NEIL3: variants seen among roughly 807,000 people sequenced by gnomAD.
NEIL3 encodes endonuclease 8-like 3.
Under a neutral mutation model 57.5 loss-of-function variants are expected in NEIL3, and 48 were observed. The ratio of observed to expected loss-of-function variants is 0.83; its 90% CI spans 0.66 to 1.06. The LOEUF is 1.06. Ranked by LOEUF, NEIL3 falls within the 50% of genes least tolerant of loss-of-function variation. NEIL3 has a pLI of 0.00. For synonymous variants in NEIL3, 261 were observed against 253.2 expected (o/e 1.03, Z -0.29); for missense variants, 717 against 739.1 (o/e 0.97, Z 0.35).
At chr4:177,370,258 A>T in the NEIL3 span, among the ~76,000 whole-genome samples, 1 of 152,190 alleles carries the variant, frequency 6.6e-6, no homozygotes, top group South Asian at 2.1e-4. Flanking sequence ...TATCCTATAG[A>T]TAGAAATCAG....
intron 4 of NEIL3, among the ~76,000 whole-genome samples, chr4:177,339,569 AGAG>A (rs1219393584): frequency 6.6e-6 from 1 of 152,214 alleles, no homozygotes. Context: ...TTGAGGAGGA[AGAG>A]GAGGGGTTGG....
chr4:177,335,843 G>A, intron 3 of NEIL3, 21 bp downstream of exon 3: 2 of 1,519,672 alleles, frequency 1.3e-6, no homozygotes, highest in Non-Finnish European at 8.8e-7. Flanking sequence ...TTAAATAAAA[G>A]TACTTACGCT....
chr4:177,314,961 C>T (rs200197870), intron 1 of NEIL3, among the ~76,000 whole-genome samples: 1 of 150,030 alleles, frequency 6.7e-6, no homozygotes. Flanking sequence ...CCCAGCTACT[C>T]GGGAGGCTGA....
intron 1 of NEIL3, among the ~76,000 whole-genome samples, chr4:177,312,742 T>C (rs932732242): frequency 1.3e-5 from 2 of 152,212 alleles, no homozygotes; most frequent in Non-Finnish European, 2.9e-5. Flanking sequence ...TTGTGGTTAG[T>C]ATCAGGAATC....
downstream of NEIL3, among the ~76,000 whole-genome samples, chr4:177,364,463 C>T (rs1322429223): frequency 1.3e-5 from 2 of 152,178 alleles, no homozygotes; most frequent in Non-Finnish European, 2.9e-5. Context: ...AAGTATTTCT[C>T]ATCTACAGAA....
chr4:177,313,217 T>C (rs1365355944), intron 1 of NEIL3, among the ~76,000 whole-genome samples: 6 of 152,166 alleles, frequency 3.9e-5, no homozygotes, highest in African/African-American at 1.4e-4. Flanking sequence ...CCTCAGATAA[T>C]CATACCAAAA....
chr4:177,344,920 C>CACATACATAGGAGTGAGT (rs1735180822), intron 6 of NEIL3, among the ~76,000 whole-genome samples: 1 of 152,070 alleles, frequency 6.6e-6, no homozygotes, highest in Non-Finnish European at 1.5e-5. Context: ...AGTATTATTT[C>CACATACATAGGAGTGAGT]CTTTAAAGAA....
intron 6 of NEIL3, among the ~76,000 whole-genome samples, chr4:177,350,074 T>G (rs1560919558): frequency 6.6e-6 from 1 of 152,256 alleles, no homozygotes; most frequent in Non-Finnish European, 1.5e-5. Context: ...CCTAATGAGA[T>G]GTATCTTACT....
intron 6 of NEIL3, among the ~76,000 whole-genome samples, chr4:177,348,858 ATTTTTTTTTT>A (rs749391559): frequency 1.2e-4 from 9 of 73,736 alleles, no homozygotes; most frequent in African/African-American, 5.4e-4. Flanking sequence ...TGGCTCATGA[ATTTTTTTTTT>A]TTTTTTTTTT....
At chr4:177,329,423 T>G (rs1428502036) in intron 2 of NEIL3, among the ~76,000 whole-genome samples, 1 of 151,950 alleles carries the variant, frequency 6.6e-6, no homozygotes, top group African/African-American at 2.4e-5. Context: ...ATGGAAACAC[T>G]TATCAAAAGA....
At position 177,358,096 on chromosome 4, in the gene NEIL3, C is replaced by T. The variant is rs188071567; in HGVS notation, c.1461-2407C>T. Among the ~76,000 whole-genome samples the T allele has an allele frequency of 8.2e-4, 125 of 152,202 alleles. 1 individual carries two copies. Among genetic ancestry groups the T allele is most frequent in the Non-Finnish European group, 2.2e-4 (15 of 68,014 alleles). ...ACAGGTGGCATTAGTATCTTGGTTA[C>T]GTTACTTCAGTGCTTCATAACTTAA... On this transcript the variant is annotated intron_variant, in intron 8 of 9. Coordinates refer to ENST00000264596, the MANE Select transcript of NEIL3 (RefSeq NM_018248.3).
chr4:177,351,599 TTA>T (rs747564688), intron 7 of NEIL3, 50 bp downstream of exon 7: 23 of 1,385,964 alleles, frequency 1.7e-5, no homozygotes, highest in Non-Finnish European at 2.3e-5. Flanking sequence ...AGAGGGTTAA[TTA>T]TACAAAGTCA....
chr4:177,350,321 A>G (rs1267046652), intron 6 of NEIL3, among the ~76,000 whole-genome samples: 1 of 152,222 alleles, frequency 6.6e-6, no homozygotes, highest in Non-Finnish European at 1.5e-5. Context: ...ACTGTGTGAC[A>G]TGCTCTATAT....
intron 5 of NEIL3, among the ~76,000 whole-genome samples, chr4:177,340,827 G>A (rs1277343282): frequency 6.6e-6 from 1 of 152,130 alleles, no homozygotes; most frequent in East Asian, 1.9e-4. Flanking sequence ...TTAAATATTT[G>A]TGAGTGGAAT....
At chr4:177,321,938 C>T (rs1317158224) in intron 1 of NEIL3, among the ~76,000 whole-genome samples, 2 of 152,240 alleles carry the variant, frequency 1.3e-5, no homozygotes, top group South Asian at 4.1e-4. Flanking sequence ...CCTACTACCT[C>T]TCAGGGTTCT....
chr4:177,336,233 T>A lies in NEIL3; in HGVS notation c.539T>A (p.Val180Glu), dbSNP rs770578974. 2 of 1,614,218 alleles carry A rather than the reference T, an allele frequency of 1.2e-6. No individual in the cohort carries two copies. The highest frequency in any genetic ancestry group is 1.7e-6 in the Non-Finnish European group (2 of 1,180,026). Residue 180 changes from valine to glutamate, a missense_variant, in exon 4 of 10, where the codon GTG becomes GAG. Physicochemically the swap from Val to Glu is moderately radical, Grantham distance 121. Transcript: ENST00000264596. ...KKQKGRMLGD[V>E]LMDQNVLPGV... ...CAGAAAGGCCGGATGCTAGGTGATG[T>A]GCTAATGGATCAGAACGTATTGCCT...
At chr4:177,310,284 G>A (rs1293106330) in intron 1 of NEIL3, among the ~76,000 whole-genome samples, 175 bp downstream of exon 1, 2 of 152,226 alleles carry the variant, frequency 1.3e-5, no homozygotes, top group Non-Finnish European at 2.9e-5. Context: ...GTCCTAGCGC[G>A]CCTGCGCAGG....
intron 1 of NEIL3, among the ~76,000 whole-genome samples, chr4:177,315,325 G>A (rs1734555316): frequency 6.6e-6 from 1 of 152,170 alleles, no homozygotes; most frequent in African/African-American, 2.4e-5. Context: ...AATACATGTT[G>A]TTTTGAAGAT....
chr4:177,356,753 G>C (rs1009349044), intron 8 of NEIL3, among the ~76,000 whole-genome samples: 2 of 152,140 alleles, frequency 1.3e-5, no homozygotes, highest in African/African-American at 4.8e-5. Context: ...TCTTGAGATA[G>C]ATGTGTATTC....
Sources: gnomAD v4.1 joint callset for allele counts (sites outside exome capture counted in the v4.1 genomes callset) on GRCh38, gnomAD v4.1.1 for gene constraint, MANE v1.5 for transcripts, NCBI Gene and HGNC (gene_info 2026-07-23, HGNC 2026-07-21) for gene names.